FNDC3B: variants seen among roughly 807,000 people sequenced by gnomAD.
FNDC3B encodes fibronectin type III domain containing 3B, also known as fibronectin type III domain-containing protein 3B.
FNDC3B carries 12 observed loss-of-function variants against 151.5 expected under a neutral mutation model. That is an observed-to-expected ratio of 0.08 (90% CI 0.05 to 0.13). The LOEUF is 0.13. Among genes scored for constraint, FNDC3B ranks in the 10% least tolerant of loss-of-function variants. The pLI is 1.00. For missense variants in FNDC3B, 1,214 were observed against 1,505.3 expected, an observed-to-expected ratio of 0.81 and a Z score of 3.20; for synonymous variants, 528 against 549.0, an observed-to-expected ratio of 0.96 and a Z score of 0.54.
chr3:172,305,765 A>G (rs1010284628), intron 9 of FNDC3B, among the ~76,000 whole-genome samples: 1 of 152,210 alleles, frequency 6.6e-6, no homozygotes, highest in Non-Finnish European at 1.5e-5. Flanking sequence ...CTGTGTATCA[A>G]AGTTCAGGCT....
chr3:172,285,787 C>T lies in FNDC3B; in HGVS notation c.791-139C>T, dbSNP rs937261921. ...CCTTCATTCCTGATTTTCCTGGTAA[C>T]ATTTGTAATATCAAAAATTCATGAT... On this transcript the variant is annotated intron_variant, in intron 6 of 25. Coordinates refer to ENST00000415807, the MANE Select transcript of FNDC3B (RefSeq NM_022763.4). 7.5e-6 allele frequency: 5 copies of T among 665,926 alleles called. No individual in the cohort carries two copies. The Middle Eastern group carries it at 7.3e-4, about 97-fold the overall frequency. 41.3% of individuals were successfully genotyped at this position (665,926 alleles called of 1,614,324 possible).
At chr3:172,327,689 C>T (rs1732428886) in intron 11 of FNDC3B, among the ~76,000 whole-genome samples, 1 of 152,248 alleles carries the variant, frequency 6.6e-6, no homozygotes, top group Non-Finnish European at 1.5e-5. Context: ...CAGGCGTGAG[C>T]CACCGCGCCC....
At chr3:172,286,302 T>A (rs540936975) in intron 7 of FNDC3B, among the ~76,000 whole-genome samples, 7 of 152,148 alleles carry the variant, frequency 4.6e-5, no homozygotes, top group South Asian at 2.1e-4. Flanking sequence ...AGTTTTTTTT[T>A]AACCATATAA....
chr3:172,178,457 A>G (rs953886707), intron 3 of FNDC3B, among the ~76,000 whole-genome samples: 1 of 152,100 alleles, frequency 6.6e-6, no homozygotes, highest in Non-Finnish European at 1.5e-5. Context: ...TGTTTTACTT[A>G]ACATTGCCTG....
At chr3:172,272,343 T>A (rs1729238050) in intron 6 of FNDC3B, among the ~76,000 whole-genome samples, 1 of 152,054 alleles carries the variant, frequency 6.6e-6, no homozygotes, top group African/African-American at 2.4e-5. Flanking sequence ...TATAAGGACC[T>A]CCCGTTATGA....
chr3:172,107,469 T>C (rs1418997424), intron 1 of FNDC3B, among the ~76,000 whole-genome samples: 1 of 152,056 alleles, frequency 6.6e-6, no homozygotes, highest in Non-Finnish European at 1.5e-5. Context: ...CTCCGTGGTG[T>C]GTTGGGGGAC....
intron 1 of FNDC3B, among the ~76,000 whole-genome samples, chr3:172,109,738 A>C (rs1050695261): frequency 6.6e-6 from 1 of 152,174 alleles, no homozygotes; most frequent in Non-Finnish European, 1.5e-5. Flanking sequence ...ATTTCTAGTA[A>C]CCACTGAACA....
At chr3:172,190,605 GTTTATGATTAAATA>G (rs1355832609) in intron 3 of FNDC3B, among the ~76,000 whole-genome samples, 1 of 152,164 alleles carries the variant, frequency 6.6e-6, no homozygotes, top group African/African-American at 2.4e-5. Context: ...CTAGGGAGGG[GTTTATGATTAAATA>G]TTCAAAAATT....
At position 172,283,205 on chromosome 3, in the gene FNDC3B, C is replaced by G. The variant is rs1729830040; in HGVS notation, c.791-2721C>G. Among the ~76,000 whole-genome samples the G allele has an allele frequency of 1.3e-5, 2 of 152,068 alleles. 1 individual carries two copies. Among genetic ancestry groups the G allele is most frequent in the African/African-American group, 4.8e-5 (2 of 41,428 alleles). ...TTTCCCTTGTATTTCTGGCTTTTACCTGAAACTCATTTTTTTTGACTTTGG... is the reference window on the plus strand; with the variant it reads ...TTTCCCTTGTATTTCTGGCTTTTACGTGAAACTCATTTTTTTTGACTTTGG... On this transcript the variant is annotated intron_variant, in intron 6 of 25. Transcript: ENST00000415807.
intron 6 of FNDC3B, among the ~76,000 whole-genome samples, chr3:172,282,672 T>C (rs1729799825): frequency 6.6e-6 from 1 of 152,236 alleles, no homozygotes; most frequent in Non-Finnish European, 1.5e-5. Context: ...GCAGATCTCC[T>C]CTGCTGCCTT....
chr3:172,249,505 G>T (rs187196745), intron 5 of FNDC3B, among the ~76,000 whole-genome samples: 29 of 152,138 alleles, frequency 1.9e-4, no homozygotes, highest in African/African-American at 7.0e-4. Context: ...TTATAAATAA[G>T]CCATTGATAT....
chr3:172,247,474 A>C, intron 4 of FNDC3B, 59 bp from the exon 5 acceptor site: 2 of 1,533,326 alleles, frequency 1.3e-6, no homozygotes, highest in East Asian at 2.3e-5. Flanking sequence ...TATTAATACT[A>C]TATATATTCA....
intron 4 of FNDC3B, among the ~76,000 whole-genome samples, chr3:172,229,645 A>G (rs4428215): frequency 0.27 from 40,667 of 152,058 alleles, 5,572 homozygotes; most frequent in East Asian, 0.44. Context: ...ATATTGCCTC[A>G]TGGGGATTGT....
chr3:172,098,610 T>C (rs1353789192), intron 1 of FNDC3B, among the ~76,000 whole-genome samples: 1 of 152,218 alleles, frequency 6.6e-6, no homozygotes, highest in Non-Finnish European at 1.5e-5. Flanking sequence ...GGGAGTACTT[T>C]CCAGAATATT....
intron 6 of FNDC3B, among the ~76,000 whole-genome samples, chr3:172,253,981 T>TGTTG (rs1353671193): frequency 2.0e-5 from 3 of 152,228 alleles, no homozygotes; most frequent in African/African-American, 7.2e-5. Context: ...GGTTTTGCCA[T>TGTTG]GTTGGCCAGG....
chr3:172,238,126 AAAGG>A (rs1660178798), intron 4 of FNDC3B, among the ~76,000 whole-genome samples: 1 of 152,222 alleles, frequency 6.6e-6, no homozygotes, highest in South Asian at 2.1e-4. Context: ...TGAAAACAGA[AAAGG>A]AAGTCTGGAG....
chr3:172,286,755 CT>C (rs1253744860), intron 7 of FNDC3B, among the ~76,000 whole-genome samples: 2 of 152,130 alleles, frequency 1.3e-5, no homozygotes, highest in Non-Finnish European at 2.9e-5. Context: ...GGAGTCTGTA[CT>C]TACTCTGGTG....
At chr3:172,387,994 C>T (rs1560111744) in intron 25 of FNDC3B, among the ~76,000 whole-genome samples, 1 of 152,248 alleles carries the variant, frequency 6.6e-6, no homozygotes, top group Non-Finnish European at 1.5e-5. Context: ...GTCTCCCTCC[C>T]ATAGTCATGT....
At chr3:172,316,496 C>T (rs1034751356) in intron 11 of FNDC3B, 39 of 445,856 alleles carry the variant, frequency 8.7e-5, no homozygotes, top group African/African-American at 1.6e-4. Flanking sequence ...CTAAACAGAT[C>T]GTGATCTGGC....
Sources: allele counts gnomAD v4.1 joint callset (sites outside exome capture counted in the v4.1 genomes callset), GRCh38; gene constraint gnomAD v4.1.1; transcripts MANE v1.5; gene names NCBI Gene and HGNC (gene_info 2026-07-23, HGNC 2026-07-21).